MAST2: variants seen among roughly 807,000 people sequenced by gnomAD.
The protein encoded by MAST2 is microtubule associated serine/threonine kinase 2.
In MAST2, 70 loss-of-function variants were observed where a neutral mutation model predicts 147.4. That is an observed-to-expected ratio of 0.47 (90% CI 0.39 to 0.58). The LOEUF is 0.58. Among genes scored for constraint, MAST2 ranks in the 20% least tolerant of loss-of-function variants. The pLI is 0.00. For missense variants in MAST2, 2,080 were observed against 2,302.3 expected (o/e 0.90, Z 1.98); for synonymous variants, 869 against 896.8 (o/e 0.97, Z 0.55).
chr1:45,855,970 G>GGCTTCTC (rs1645775917), intron 3 of MAST2, among the ~76,000 whole-genome samples: 1 of 151,984 alleles, frequency 6.6e-6, no homozygotes, highest in Non-Finnish European at 1.5e-5. Context: ...TCAGATCTTC[G>GGCTTCTC]GCTTCTCTTG....
At chr1:45,971,873 CTG>C (rs1234688773) in intron 5 of MAST2, among the ~76,000 whole-genome samples, 10 of 152,080 alleles carry the variant, frequency 6.6e-5, no homozygotes, top group South Asian at 2.1e-4. Flanking sequence ...TTGGAATAAA[CTG>C]TATAAATTTT....
chr1:45,997,123 T>C lies in MAST2; in HGVS notation c.593-601T>C, dbSNP rs192268828. ...AGTTTTGTTCAAAGCTTCTGAGCTT[T>C]AAGTTAGCAAGTTACAGGGAACACG... On this transcript the variant is annotated intron_variant, in intron 5 of 28. Coordinates refer to ENST00000361297, the MANE Select transcript of MAST2 (RefSeq NM_015112.3). 3.3e-5 allele frequency among the ~76,000 whole-genome samples: 5 copies of C among 152,344 alleles called. No individual in the cohort carries two copies. The East Asian group carries it at 7.7e-4, about 23-fold the overall frequency.
intron 1 of MAST2, among the ~76,000 whole-genome samples, chr1:45,810,670 G>T (rs1024193018): frequency 2.0e-5 from 3 of 151,500 alleles, no homozygotes; most frequent in Non-Finnish European, 4.4e-5. Flanking sequence ...AAATAGCCAG[G>T]CGTCTTGGTG....
chr1:45,873,158 T>A (rs747249972), intron 3 of MAST2, among the ~76,000 whole-genome samples: 116 of 151,938 alleles, frequency 7.6e-4, no homozygotes, highest in Non-Finnish European at 1.4e-3. Context: ...TACTGGTGGG[T>A]TAGATTAGAA....
Position 46,035,441 on chromosome 1 carries a change from AGGCT to A in MAST2, c.4774_4777del (p.Ala1592ProfsTer10). ...CTCGGGAGCCCACAAGCCATTGAGG[AGGCT>A]GCCAGCTCCTCCTCAGCAGGCCCCA... On this transcript the variant is annotated frameshift_variant, in exon 29 of 29. Transcript: ENST00000361297. LOFTEE classifies it low-confidence loss of function (END_TRUNC). This position sits in a 1 kb window ranked among gnomAD's most constrained non-coding sequence, Gnocchi z 5.5. 1 of 1,613,094 alleles carries A rather than the reference AGGCT, an allele frequency of 6.2e-7. No individual in the cohort carries two copies. The highest frequency in any genetic ancestry group is 1.7e-5 in the Admixed American group (1 of 59,986).
At chr1:45,975,185 G>C (rs1644086476) in intron 5 of MAST2, among the ~76,000 whole-genome samples, 1 of 152,140 alleles carries the variant, frequency 6.6e-6, no homozygotes, top group Non-Finnish European at 1.5e-5. Context: ...TTCAGGGTAT[G>C]TTAAGGGCTG....
At chr1:45,925,050 G>A (rs547566112) in intron 4 of MAST2, among the ~76,000 whole-genome samples, 7 of 152,188 alleles carry the variant, frequency 4.6e-5, no homozygotes, top group Non-Finnish European at 8.8e-5. Flanking sequence ...AGCTATTGAG[G>A]CATTTGGCTG....
intron 4 of MAST2, among the ~76,000 whole-genome samples, chr1:45,943,800 T>C (rs138079012): frequency 1.4e-4 from 21 of 152,232 alleles, no homozygotes; most frequent in Non-Finnish European, 2.6e-4. Context: ...AAGATAATAA[T>C]GCACTCATGA....
chr1:45,933,941 A>C (rs1230328193), intron 4 of MAST2, among the ~76,000 whole-genome samples: 1 of 150,530 alleles, frequency 6.6e-6, no homozygotes, highest in Non-Finnish European at 1.5e-5. Context: ...CTTTAGGGTC[A>C]GGGGGTATTG....
At position 46,006,392 on chromosome 1, in the gene MAST2, T is replaced by G; in HGVS notation, c.899T>G (p.Leu300Arg). The change falls in exon 8 of 29, where the codon CTC (leucine) becomes CGC (arginine). Residue 300 changes from leucine (L) to arginine (R), a missense_variant. Physicochemically the swap from Leu to Arg is moderately radical, Grantham distance 102. This residue lies in a region of MAST2 where 569 missense variants were observed against 642.5 expected (regional missense o/e 0.89). Transcript: ENST00000361297. ...SPAMRPRSRS[L>R]SPGRSPVSFD... is the part of the protein sequence containing the mutation. Reference sequence around the variant, plus strand: ...GCCATGCGGCCTCGCTCCCGGAGCCTCAGGTGAGGGTGCTCTCTGCCCACT... The same window carrying G: ...GCCATGCGGCCTCGCTCCCGGAGCCGCAGGTGAGGGTGCTCTCTGCCCACT... The G allele has an allele frequency of 6.2e-7, 1 of 1,611,956 alleles. No homozygotes were observed. The highest frequency in any genetic ancestry group is 8.5e-7 in the Non-Finnish European group (1 of 1,178,744).
chr1:45,823,591 C>T (rs746328949), intron 1 of MAST2, among the ~76,000 whole-genome samples: 2 of 152,142 alleles, frequency 1.3e-5, no homozygotes, highest in African/African-American at 2.4e-5. Context: ...GCCTCAGACT[C>T]CTAAAGTGCT....
intron 1 of MAST2, among the ~76,000 whole-genome samples, chr1:45,819,574 G>GA (rs1028291437): frequency 4.6e-5 from 7 of 151,734 alleles, no homozygotes; most frequent in African/African-American, 1.7e-4. Context: ...TGAACAATCT[G>GA]AAAAAATCAA....
At chr1:45,963,118 T>C (rs1030103939) in intron 5 of MAST2, among the ~76,000 whole-genome samples, 1 of 152,218 alleles carries the variant, frequency 6.6e-6, no homozygotes, top group African/African-American at 2.4e-5. Context: ...GTTCCATTGG[T>C]CGATATCTCT....
At position 45,815,179 on chromosome 1, in the gene MAST2, ATCT is replaced by A. The variant is rs1209739576; in HGVS notation, c.178-9249_178-9247del. 6.7e-5 allele frequency among the ~76,000 whole-genome samples: 10 copies of A among 149,770 alleles called. No homozygotes were observed. In the East Asian group the frequency reaches 9.8e-4, roughly 15 times the overall value. On this transcript the variant is annotated intron_variant, in intron 1 of 28. Transcript: ENST00000361297. The stretch of plus-strand genomic sequence containing the variant: ...AGCAGAAGTAATATAGTTTTGTCAG[ATCT>A]TCTTTTTTTTTTTTTTTGAAACTGT...
At chr1:45,813,539 C>T (rs917290825) in intron 1 of MAST2, among the ~76,000 whole-genome samples, 3 of 150,016 alleles carry the variant, frequency 2.0e-5, no homozygotes, top group African/African-American at 7.4e-5. Flanking sequence ...GCTCTTGTCC[C>T]CCAGTCTGGA....
chr1:45,868,175 TG>T (rs1205084328), intron 3 of MAST2, among the ~76,000 whole-genome samples: 3 of 152,222 alleles, frequency 2.0e-5, no homozygotes. Context: ...TGGTAAAAAT[TG>T]GCTTTCATCT....
intron 6 of MAST2, among the ~76,000 whole-genome samples, chr1:45,998,730 C>CTT (rs768359136): frequency 1.5e-4 from 22 of 143,242 alleles, no homozygotes; most frequent in Admixed American, 2.8e-4. Context: ...ACTTAGACTA[C>CTT]TTTTTTTTTT....
At chr1:45,904,658 A>G (rs181688216) in intron 4 of MAST2, among the ~76,000 whole-genome samples, 296 of 149,692 alleles carry the variant, frequency 2.0e-3, no homozygotes, top group Non-Finnish European at 3.3e-3. Flanking sequence ...TAAAGATGGG[A>G]TTTTGCCATA....
chr1:46,028,066 A>C (rs796217763), intron 17 of MAST2, among the ~76,000 whole-genome samples: 46 of 152,330 alleles, frequency 3.0e-4, no homozygotes, highest in African/African-American at 9.9e-4. Context: ...CCTTGGGGCC[A>C]TATGCCTACC....
Sources: gnomAD v4.1 joint callset for allele counts (sites outside exome capture counted in the v4.1 genomes callset) on GRCh38, gnomAD v4.1.1 for gene constraint, gnomAD v4.1.1 regional missense constraint, Gnocchi (gnomAD v3.1) non-coding constraint, MANE v1.5 for transcripts, NCBI Gene and HGNC (gene_info 2026-07-23, HGNC 2026-07-21) for gene names.